MYRIP: variants seen among roughly 807,000 people sequenced by gnomAD.
MYRIP encodes the protein myosin VIIA and Rab interacting protein.
A neutral mutation model predicts 98.0 loss-of-function variants in MYRIP; 49 were observed. That is an observed-to-expected ratio of 0.50 (90% CI 0.40 to 0.63). The LOEUF (loss-of-function observed/expected upper bound fraction) is 0.63, where lower values mean the gene tolerates loss of function less well. MYRIP is among the 30% of genes least tolerant of loss of function. The probability of loss-of-function intolerance (pLI) is 0.00; values close to 1 mark genes in which losing one functional copy is unlikely to be tolerated. For missense variants in MYRIP, 1,004 were observed against 1,058.2 expected, an observed-to-expected ratio of 0.95 and a Z score of 0.71; for synonymous variants, 404 against 409.5, an observed-to-expected ratio of 0.99 and a Z score of 0.16.
chr3:40,010,319 G>C (rs1212469364), intron 2 of MYRIP, among the ~76,000 whole-genome samples: 1 of 152,234 alleles, frequency 6.6e-6, no homozygotes, highest in Non-Finnish European at 1.5e-5. Context: ...GAGAGTGGCA[G>C]CTGAGGGGAC....
At chr3:40,129,045 A>C (rs1214501918) in intron 3 of MYRIP, among the ~76,000 whole-genome samples, 3 of 152,046 alleles carry the variant, frequency 2.0e-5, no homozygotes, top group East Asian at 3.9e-4. Flanking sequence ...CACCCAGTTC[A>C]GTTCTTTTTC....
chr3:40,168,046 G>T (rs1417973269), intron 7 of MYRIP, among the ~76,000 whole-genome samples: 2 of 152,206 alleles, frequency 1.3e-5, no homozygotes, highest in African/African-American at 4.8e-5. Flanking sequence ...CTGATTGAAT[G>T]CACTCTCTAG....
intron 3 of MYRIP, among the ~76,000 whole-genome samples, chr3:40,104,143 C>T (rs949376140): frequency 6.6e-6 from 1 of 152,180 alleles, no homozygotes; most frequent in African/African-American, 2.4e-5. Flanking sequence ...ACCCCATGTG[C>T]AGGAGAGTGC....
At chr3:39,859,390 C>A (rs992112906) in intron 1 of MYRIP, among the ~76,000 whole-genome samples, 2 of 152,014 alleles carry the variant, frequency 1.3e-5, no homozygotes, top group African/African-American at 4.8e-5. Context: ...AATCAAAAAC[C>A]TGCCAACAAA....
chr3:40,114,592 T>C (rs1949234061), intron 3 of MYRIP, among the ~76,000 whole-genome samples: 2 of 152,164 alleles, frequency 1.3e-5, no homozygotes, highest in Admixed American at 1.3e-4. Flanking sequence ...CACAAATCAA[T>C]GGCAACAAGC....
At chr3:40,159,902 T>A (rs1950343517) in intron 4 of MYRIP, among the ~76,000 whole-genome samples, 1 of 152,216 alleles carries the variant, frequency 6.6e-6, no homozygotes, top group African/African-American at 2.4e-5. Context: ...TCTTCTAAAT[T>A]TTTTTCAAAG....
chr3:40,054,641 T>C (rs922858489), intron 3 of MYRIP, among the ~76,000 whole-genome samples: 3 of 152,168 alleles, frequency 2.0e-5, no homozygotes, highest in Non-Finnish European at 4.4e-5. Flanking sequence ...CTTCCAGCAG[T>C]CTGCCTTCAA....
At chr3:39,956,467 T>C (rs1945165999) in intron 2 of MYRIP, among the ~76,000 whole-genome samples, 1 of 152,194 alleles carries the variant, frequency 6.6e-6, no homozygotes, top group Admixed American at 6.5e-5. Context: ...ATAAAGATGT[T>C]CTTTGAAACC....
intron 10 of MYRIP, among the ~76,000 whole-genome samples, chr3:40,200,163 C>T (rs750373479): frequency 6.0e-5 from 8 of 133,448 alleles, no homozygotes; most frequent in Admixed American, 3.9e-4. Context: ...CTAATGGGTA[C>T]ACTAGGTCAG....
chr3:39,909,354 T>G (rs968389569), intron 2 of MYRIP, among the ~76,000 whole-genome samples: 4 of 152,224 alleles, frequency 2.6e-5, no homozygotes, highest in African/African-American at 9.6e-5. Context: ...TGGGTATTTA[T>G]TAATTTGCTT....
chr3:39,928,650 C>CA (rs34071191), intron 2 of MYRIP, among the ~76,000 whole-genome samples: 15,111 of 147,420 alleles, frequency 0.1, 1,071 homozygotes, highest in East Asian at 0.26. Context: ...AAAAAATTAT[C>CA]AAAAAAAAAA....
intron 1 of MYRIP, among the ~76,000 whole-genome samples, chr3:39,892,319 G>A (rs1045932797): frequency 3.5e-4 from 54 of 152,120 alleles, no homozygotes; most frequent in African/African-American, 1.3e-3. Context: ...TGGAATTTAA[G>A]AATTGAAGGC....
intron 1 of MYRIP, among the ~76,000 whole-genome samples, chr3:39,814,275 T>G (rs1371875534): frequency 6.6e-6 from 1 of 152,256 alleles, no homozygotes; most frequent in African/African-American, 2.4e-5. Context: ...TGACTGGTAT[T>G]AATCAGATGT....
At chr3:39,912,773 C>T (rs1425066096) in intron 2 of MYRIP, among the ~76,000 whole-genome samples, 1 of 152,236 alleles carries the variant, frequency 6.6e-6, no homozygotes, top group African/African-American at 2.4e-5. Flanking sequence ...GGCATAGTGG[C>T]TCATGCCTGT....
chr3:39,877,527 A>G (rs1024646471), intron 1 of MYRIP, among the ~76,000 whole-genome samples: 6 of 152,198 alleles, frequency 3.9e-5, no homozygotes, highest in African/African-American at 9.6e-5. Context: ...TTTGGTGTGG[A>G]TGTCCTTTCT....
intron 3 of MYRIP, among the ~76,000 whole-genome samples, chr3:40,142,047 A>AT (rs768094065): frequency 0.32 from 31,122 of 95,964 alleles, 5,798 homozygotes; most frequent in East Asian, 0.53. Flanking sequence ...TATGCTGTTG[A>AT]TTTTTTTTTT....
At chr3:40,083,994 G>A (rs1039298839) in intron 3 of MYRIP, among the ~76,000 whole-genome samples, 13 of 151,638 alleles carry the variant, frequency 8.6e-5, no homozygotes, top group Middle Eastern at 3.4e-3. Flanking sequence ...AAAATTAGCC[G>A]GGTGTGGTGG....
intron 4 of MYRIP, among the ~76,000 whole-genome samples, chr3:40,152,954 CAA>C (rs3063626): frequency 0.92 from 136,235 of 147,462 alleles, 63,074 homozygotes; most frequent in South Asian, 0.97. Context: ...CTGTCTCTAC[CAA>C]AAAAAAAAAA....
chr3:39,956,172 G>T (rs61049195), intron 2 of MYRIP, among the ~76,000 whole-genome samples: 3,045 of 152,208 alleles, frequency 0.02, 99 homozygotes, highest in African/African-American at 0.071. Context: ...TCTGCACCAA[G>T]GAGACCTAAT....
Sources: gnomAD v4.1 joint callset for allele counts (sites outside exome capture counted in the v4.1 genomes callset) on GRCh38, gnomAD v4.1.1 for gene constraint, MANE v1.5 for transcripts, NCBI Gene and HGNC (gene_info 2026-07-23, HGNC 2026-07-21) for gene names.